Variants in WDR72 observed in about 807,000 individuals in gnomAD.
The protein encoded by WDR72 is WD repeat domain 72, also known as WD repeat-containing protein 72.
A neutral mutation model predicts 124.2 loss-of-function variants in WDR72; 120 were observed. The ratio of observed to expected loss-of-function variants is 0.97; its 90% CI spans 0.83 to 1.12. The LOEUF is 1.12. WDR72 is among the 50% of genes most tolerant of loss of function. WDR72 has a pLI of 0.00. For missense variants in WDR72, 1,387 were observed against 1,278.8 expected (o/e 1.08, Z -1.29); for synonymous variants, 452 against 441.7 (o/e 1.02, Z -0.29).
intron 18 of WDR72, among the ~76,000 whole-genome samples, chr15:53,568,453 C>G (rs1470335114): frequency 2.0e-5 from 3 of 151,910 alleles, no homozygotes; most frequent in African/African-American, 4.8e-5. Flanking sequence ...CTTAATGAGG[C>G]AGCCTGTTCA....
At chr15:53,586,619 G>A (rs895715833) in intron 18 of WDR72, among the ~76,000 whole-genome samples, 2 of 152,022 alleles carry the variant, frequency 1.3e-5, no homozygotes, top group African/African-American at 4.8e-5. Context: ...TTTTAGGCAA[G>A]GCTTAGTAGT....
chr15:53,652,433 A>G lies in WDR72; in HGVS notation c.1962+13139T>C, dbSNP rs76166486. Among the ~76,000 whole-genome samples, 505 of 152,306 alleles carry G rather than the reference A, an allele frequency of 3.3e-3. 1 individual carries two copies. The highest frequency in any genetic ancestry group is 0.012 in the African/African-American group (484 of 41,562). On this transcript the variant is annotated intron_variant, in intron 14 of 19. Coordinates refer to ENST00000360509, the MANE Select transcript of WDR72 (RefSeq NM_182758.4). ...GAGTTAAGCAATTTTCAAATGATGT[A>G]CAAAAGCAGGAAGCAATGTTTGCTA...
intron 2 of WDR72, among the ~76,000 whole-genome samples, chr15:53,729,484 G>T: frequency 5.7e-5 from 1 of 17,610 alleles, no homozygotes; most frequent in African/African-American, 7.1e-5. Flanking sequence ...GCTCTATCTA[G>T]TGAAAAAAAA....
intron 13 of WDR72, among the ~76,000 whole-genome samples, chr15:53,694,256 A>G (rs1476228361): frequency 6.6e-6 from 1 of 152,164 alleles, no homozygotes; most frequent in Non-Finnish European, 1.5e-5. Flanking sequence ...CAATTTCAGC[A>G]TTTTTATATT....
At chr15:53,530,062 T>G (rs1264706708) in intron 18 of WDR72, among the ~76,000 whole-genome samples, 1 of 149,100 alleles carries the variant, frequency 6.7e-6, no homozygotes, top group Non-Finnish European at 1.5e-5. Flanking sequence ...CAAGCAGTGT[T>G]CCAAGGAGAC....
At chr15:53,667,880 AT>A (rs2015834068) in intron 13 of WDR72, among the ~76,000 whole-genome samples, 1 of 152,146 alleles carries the variant, frequency 6.6e-6, no homozygotes, top group Non-Finnish European at 1.5e-5. Flanking sequence ...CATTTCTTGT[AT>A]TTTTTTAGTG....
At chr15:53,612,446 T>TG in intron 16 of WDR72, among the ~76,000 whole-genome samples, 1 of 152,086 alleles carries the variant, frequency 6.6e-6, no homozygotes, top group South Asian at 2.1e-4. Context: ...CAAGACTTGA[T>TG]GGATGGTAGC....
intron 14 of WDR72, among the ~76,000 whole-genome samples, chr15:53,632,415 A>C (rs2140396855): frequency 6.6e-6 from 1 of 152,158 alleles, no homozygotes; most frequent in Non-Finnish European, 1.5e-5. Flanking sequence ...TGGATGTCCA[A>C]GCAGAAGTCT....
At chr15:53,655,333 T>C (rs2015385108) in intron 14 of WDR72, among the ~76,000 whole-genome samples, 1 of 151,092 alleles carries the variant, frequency 6.6e-6, no homozygotes. Flanking sequence ...AAAAGATAGG[T>C]CCTTGGTAAT....
chr15:53,715,457 T>C (rs1463745978), intron 4 of WDR72, 90 bp from the exon 5 acceptor site: 61 of 1,477,764 alleles, frequency 4.1e-5, no homozygotes, highest in Non-Finnish European at 2.8e-5. Flanking sequence ...ACTTTAGTTT[T>C]AGCATATGAT....
intron 13 of WDR72, among the ~76,000 whole-genome samples, chr15:53,688,535 T>A (rs1455424433): frequency 6.6e-6 from 1 of 152,076 alleles, no homozygotes; most frequent in Non-Finnish European, 1.5e-5. Flanking sequence ...CAAGGAGAAC[T>A]ACAAACCACT....
intron 14 of WDR72, among the ~76,000 whole-genome samples, chr15:53,626,883 G>A (rs762383259): frequency 9.2e-5 from 14 of 152,050 alleles, no homozygotes; most frequent in Non-Finnish European, 1.6e-4. Flanking sequence ...AAATAGATTG[G>A]GTAACACTGA....
intron 18 of WDR72, among the ~76,000 whole-genome samples, chr15:53,533,276 G>A (rs1342498595): frequency 2.6e-5 from 4 of 152,084 alleles, no homozygotes; most frequent in African/African-American, 4.8e-5. Context: ...AGACAAAGAC[G>A]CTAGTCTGAA....
intron 13 of WDR72, among the ~76,000 whole-genome samples, chr15:53,683,207 G>T (rs12437464): frequency 0.29 from 43,699 of 151,896 alleles, 6,777 homozygotes; most frequent in Admixed American, 0.33. Context: ...TTTGGGTGGG[G>T]ACACAGAGCC....
At chr15:53,550,373 CT>C (rs1378909739) in intron 18 of WDR72, among the ~76,000 whole-genome samples, 2 of 152,146 alleles carry the variant, frequency 1.3e-5, no homozygotes, top group African/African-American at 4.8e-5. Context: ...CTGAATTCAG[CT>C]TATGGTTTGC....
intron 18 of WDR72, 138 bp downstream of exon 18, chr15:53,596,941 T>G: frequency 1.2e-6 from 1 of 828,682 alleles, no homozygotes; most frequent in Non-Finnish European, 2.0e-6. Context: ...CCATCATAAG[T>G]CAAGGAGACT....
At chr15:53,536,456 G>A (rs1431685856) in intron 18 of WDR72, among the ~76,000 whole-genome samples, 1 of 152,220 alleles carries the variant, frequency 6.6e-6, no homozygotes, top group Non-Finnish European at 1.5e-5. Flanking sequence ...CCAAAGAGCT[G>A]TCTGAAACGC....
chr15:53,711,356 G>A lies in WDR72; in HGVS notation c.837C>T (p.Tyr279=), dbSNP rs1457954173. ...ILIWTEDGHS[Y]IYQLLNSGLS... The stretch of plus-strand genomic sequence containing the variant: ...CCCACCTGTTCAGCAGCTGATAGAT[G>A]TAACTGTGACCATCTTCTGTCCAGA... Residue 279 remains tyrosine (Y), a synonymous_variant, in exon 8 of 20, where the codon TAC becomes TAT. Coordinates refer to ENST00000360509, the MANE Select transcript of WDR72 (RefSeq NM_182758.4). 1.9e-6 allele frequency: 3 copies of A among 1,614,052 alleles called. No homozygotes were observed. The highest frequency in any genetic ancestry group is 2.5e-6 in the Non-Finnish European group (3 of 1,180,044).
At chr15:53,649,893 C>T (rs528014876) in intron 14 of WDR72, among the ~76,000 whole-genome samples, 1 of 152,066 alleles carries the variant, frequency 6.6e-6, no homozygotes, top group South Asian at 2.1e-4. Flanking sequence ...GGAGGTTCCT[C>T]AAAAAATTAA....
Sources: allele counts gnomAD v4.1 joint callset (sites outside exome capture counted in the v4.1 genomes callset), GRCh38; gene constraint gnomAD v4.1.1; transcripts MANE v1.5; gene names NCBI Gene and HGNC (gene_info 2026-07-23, HGNC 2026-07-21).